ULK4: variants seen among roughly 807,000 people sequenced by gnomAD.
The protein encoded by ULK4 is inactive serine/threonine-protein kinase ULK4.
Under a neutral mutation model 160.6 loss-of-function variants are expected in ULK4, and 133 were observed. That is an observed-to-expected ratio of 0.83 (90% CI 0.72 to 0.96). The LOEUF is 0.96. Ranked by LOEUF, ULK4 falls within the 40% of genes least tolerant of loss-of-function variation. The pLI, the probability that ULK4 is intolerant of heterozygous loss-of-function variation, is 0.00. For synonymous variants in ULK4, 534 were observed against 539.8 expected, an observed-to-expected ratio of 0.99 and a Z score of 0.15; for missense variants, 1,580 against 1,499.5, an observed-to-expected ratio of 1.05 and a Z score of -0.89.
intron 35 of ULK4, among the ~76,000 whole-genome samples, chr3:41,333,765 C>T (rs1559529598): frequency 6.6e-6 from 1 of 152,046 alleles, no homozygotes; most frequent in Non-Finnish European, 1.5e-5. Context: ...AGAAAATAAA[C>T]CAATTTGGCA....
intron 30 of ULK4, among the ~76,000 whole-genome samples, chr3:41,655,424 G>A (rs752033983): frequency 2.0e-5 from 3 of 151,568 alleles, no homozygotes; most frequent in Non-Finnish European, 1.5e-5. Flanking sequence ...TATACCTAAT[G>A]CTAAATGACG....
At chr3:41,284,769 T>C (rs758895877) in intron 35 of ULK4, among the ~76,000 whole-genome samples, 9 of 151,978 alleles carry the variant, frequency 5.9e-5, no homozygotes, top group Admixed American at 1.3e-4. Context: ...ACTAAAGAGC[T>C]TTTGAACAGC....
chr3:41,510,131 GAA>G (rs753105833), intron 32 of ULK4, among the ~76,000 whole-genome samples: 1 of 152,188 alleles, frequency 6.6e-6, no homozygotes, highest in African/African-American at 2.4e-5. Flanking sequence ...TAAATAAGTA[GAA>G]AAAGATATTC....
rs9815354 is a variant in ULK4, at chr3:41,871,159, G to T, written c.1656+12715C>A. ...AAGTCTTGGGTATTTCTTCATATCAGCATAAGAATGAACTAATACATACTG... is the reference window on the plus strand; with the variant it reads ...AAGTCTTGGGTATTTCTTCATATCATCATAAGAATGAACTAATACATACTG... On this transcript the variant is annotated intron_variant, in intron 17 of 36. Transcript: ENST00000301831. 1.9e-3 allele frequency among the ~76,000 whole-genome samples: 291 copies of T among 152,046 alleles called. 1 individual carries two copies. Among genetic ancestry groups the T allele is most frequent in the African/African-American group, 6.7e-3 (277 of 41,478 alleles).
At chr3:41,304,970 T>G (rs2079876558) in intron 35 of ULK4, among the ~76,000 whole-genome samples, 1 of 152,158 alleles carries the variant, frequency 6.6e-6, no homozygotes, top group Admixed American at 6.5e-5. Context: ...CCAAGCATTA[T>G]GAGGTGGGGA....
chr3:41,385,735 T>C (rs992492925), intron 35 of ULK4, among the ~76,000 whole-genome samples: 1 of 152,170 alleles, frequency 6.6e-6, no homozygotes, highest in African/African-American at 2.4e-5. Flanking sequence ...GATCATGATG[T>C]GTAGTTGGAA....
At chr3:41,893,343 A>G (rs558151758) in intron 16 of ULK4, among the ~76,000 whole-genome samples, 1 of 152,346 alleles carries the variant, frequency 6.6e-6, no homozygotes, top group Middle Eastern at 3.4e-3. Context: ...GTATTACACT[A>G]TTACTATATG....
intron 32 of ULK4, among the ~76,000 whole-genome samples, chr3:41,465,861 A>G (rs1367803245): frequency 2.0e-5 from 3 of 152,184 alleles, no homozygotes; most frequent in Non-Finnish European, 4.4e-5. Flanking sequence ...AAAGCAAGAT[A>G]AATGTTTATT....
intron 21 of ULK4, among the ~76,000 whole-genome samples, chr3:41,783,085 C>T (rs2039903100): frequency 6.6e-6 from 1 of 151,244 alleles, no homozygotes; most frequent in Non-Finnish European, 1.5e-5. Flanking sequence ...TATGTCAACG[C>T]GTACATGTGT....
chr3:41,646,897 T>C (rs1413570654), intron 30 of ULK4, among the ~76,000 whole-genome samples: 1 of 152,192 alleles, frequency 6.6e-6, no homozygotes, highest in African/African-American at 2.4e-5. Context: ...CATTTCTTTT[T>C]ATTCATTTTT....
At chr3:41,299,812 T>C (rs1015446053) in intron 35 of ULK4, among the ~76,000 whole-genome samples, 2 of 152,214 alleles carry the variant, frequency 1.3e-5, no homozygotes, top group Non-Finnish European at 2.9e-5. Context: ...AGCTACAAAA[T>C]ATTCCACTGA....
At chr3:41,389,653 T>G (rs948766385) in intron 35 of ULK4, among the ~76,000 whole-genome samples, 1 of 152,240 alleles carries the variant, frequency 6.6e-6, no homozygotes, top group East Asian at 1.9e-4. Flanking sequence ...TCTTTGGTTC[T>G]GTTTATATGC....
At chr3:41,894,980 A>G (rs187161183) in intron 16 of ULK4, among the ~76,000 whole-genome samples, 309 of 152,368 alleles carry the variant, frequency 2.0e-3, no homozygotes, top group African/African-American at 7.1e-3. Context: ...TAATCCCATT[A>G]GATTGTAAAT....
intron 32 of ULK4, among the ~76,000 whole-genome samples, chr3:41,482,904 T>C (rs2084378703): frequency 6.6e-6 from 1 of 152,226 alleles, no homozygotes; most frequent in African/African-American, 2.4e-5. Flanking sequence ...GTAAGGTGTA[T>C]ATATTTATAA....
chr3:41,249,586 G>A lies in ULK4; in HGVS notation c.3679-12C>T, dbSNP rs1466394784. 6.2e-7 allele frequency: 1 copy of A among 1,612,684 alleles called. No homozygotes were observed. Among genetic ancestry groups the A allele is most frequent in the South Asian group, 1.1e-5 (1 of 90,684 alleles). On this transcript the variant is annotated splice_polypyrimidine_tract_variant and intron_variant, in intron 35 of 36. Transcript: ENST00000301831. ...TCATTGGAGGTGATCTGCAAGGGCA[G>A]GAGGAAGAAGACAGTGGTCAGCTGA... is the stretch of plus-strand genomic sequence containing the variant.
chr3:41,550,558 A>G (rs1230224846), intron 32 of ULK4, among the ~76,000 whole-genome samples: 1 of 152,080 alleles, frequency 6.6e-6, no homozygotes, highest in Admixed American at 6.5e-5. Flanking sequence ...TCATTACATA[A>G]CAATAAAGGA....
At chr3:41,661,979 GGA>G (rs990288304) in intron 30 of ULK4, among the ~76,000 whole-genome samples, 2 of 152,056 alleles carry the variant, frequency 1.3e-5, no homozygotes, top group Non-Finnish European at 2.9e-5. Flanking sequence ...CGTGACATGT[GGA>G]ATGAGCCAAA....
intron 18 of ULK4, among the ~76,000 whole-genome samples, chr3:41,831,012 T>TTTTATTTATTTA (rs1043705438): frequency 9.3e-5 from 9 of 96,996 alleles, no homozygotes; most frequent in African/African-American, 3.5e-4. Context: ...TTATTATTTT[T>TTTTATTTATTTA]TTTATTTATT....
At chr3:41,455,969 G>A (rs776670076) in intron 33 of ULK4, among the ~76,000 whole-genome samples, 1 of 152,084 alleles carries the variant, frequency 6.6e-6, no homozygotes, top group Non-Finnish European at 1.5e-5. Context: ...TTGTGCAGTG[G>A]CACAATCTCA....
Sources: gnomAD v4.1 joint callset for allele counts (sites outside exome capture counted in the v4.1 genomes callset) on GRCh38, gnomAD v4.1.1 for gene constraint, MANE v1.5 for transcripts, NCBI Gene and HGNC (gene_info 2026-07-23, HGNC 2026-07-21) for gene names.